The following TRAK1 variants were observed in gnomAD, a reference collection of about 807,000 sequenced individuals.
The protein encoded by TRAK1 is trafficking kinesin-binding protein 1.
TRAK1 carries 33 observed loss-of-function variants against 92.1 expected under a neutral mutation model. The ratio of observed to expected loss-of-function variants is 0.36; its 90% CI spans 0.27 to 0.48. The LOEUF is 0.48. Among genes scored for constraint, TRAK1 ranks in the 20% least tolerant of loss-of-function variants. TRAK1 has a pLI of 0.99. For synonymous variants in TRAK1, 521 were observed against 517.3 expected, an observed-to-expected ratio of 1.01 and a Z score of -0.10; for missense variants, 1,123 against 1,257.9, an observed-to-expected ratio of 0.89 and a Z score of 1.62.
In TRAK1 at chr3:42,202,549, G is replaced by C; in HGVS notation, c.1541G>C (p.Arg514Thr). The C allele has an allele frequency of 6.3e-7, 1 of 1,575,176 alleles. No individual in the cohort carries two copies. Among genetic ancestry groups the C allele is most frequent in the Non-Finnish European group, 8.7e-7 (1 of 1,153,792 alleles). The change falls in exon 13 of 16, where the codon AGG (arginine) becomes ACG (threonine). Residue 514 changes from arginine to threonine, a missense_variant. By Grantham distance (71) the Arg-to-Thr change is moderately conservative. Around this residue, in one of 3 missense-constraint regions of TRAK1, gnomAD observed 686 missense variants for 747.6 expected, o/e 0.92. Transcript: ENST00000327628. The surrounding 1 kb of genome is among the most constrained non-coding windows in gnomAD (Gnocchi z 6.1). The part of the protein sequence containing the change: ...LRRENYLSER[R>T]FFEEEQERKL... ...CGGGAGAACTACCTCTCGGAGAGGAGGTTCTTTGAGGAGGAGCAAGAGAGG... is the reference window on the plus strand; with the variant it reads ...CGGGAGAACTACCTCTCGGAGAGGACGTTCTTTGAGGAGGAGCAAGAGAGG...
At chr3:42,130,731 C>T (rs371054550) in intron 2 of TRAK1, among the ~76,000 whole-genome samples, 9 of 152,222 alleles carry the variant, frequency 5.9e-5, no homozygotes, top group African/African-American at 2.2e-4. Flanking sequence ...GTCTGGGAAC[C>T]TGCATATTAA....
chr3:42,032,596 C>T (rs1434862276), intron 1 of TRAK1, among the ~76,000 whole-genome samples: 2 of 152,096 alleles, frequency 1.3e-5, no homozygotes, highest in Admixed American at 6.5e-5. Context: ...AGATGAATAC[C>T]ATTGGCTGTC....
At chr3:42,128,357 A>G (rs184396363) in intron 2 of TRAK1, among the ~76,000 whole-genome samples, 16 of 152,344 alleles carry the variant, frequency 1.1e-4, no homozygotes, top group Admixed American at 5.2e-4. Flanking sequence ...TTGAGCAGAG[A>G]TTCTGAAAGT....
intron 1 of TRAK1, among the ~76,000 whole-genome samples, chr3:42,071,684 G>A (rs1703938441): frequency 6.7e-6 from 1 of 150,300 alleles, no homozygotes; most frequent in Non-Finnish European, 1.5e-5. Context: ...CTCTAGTCTG[G>A]ATGACAAGCG....
chr3:42,088,375 C>T (rs555535260), upstream of TRAK1, among the ~76,000 whole-genome samples: 2 of 152,220 alleles, frequency 1.3e-5, no homozygotes, highest in South Asian at 4.2e-4. Flanking sequence ...AAGTGGCCCA[C>T]ATGTGTTGTC....
At chr3:42,066,554 A>G (rs746807460) in intron 1 of TRAK1, among the ~76,000 whole-genome samples, 1 of 151,174 alleles carries the variant, frequency 6.6e-6, no homozygotes, top group Admixed American at 6.6e-5. Context: ...TGCTTCTGGA[A>G]GTAGTGCCCA....
chr3:42,202,935 C>G lies in TRAK1; in HGVS notation c.1744+183C>G, dbSNP rs1707847183. On this transcript the variant is annotated intron_variant, in intron 13 of 15. Coordinates refer to ENST00000327628, the MANE Select transcript of TRAK1 (RefSeq NM_001042646.3). This position sits in a 1 kb window ranked among gnomAD's most constrained non-coding sequence, Gnocchi z 6.1. ...CTCAGCCTAGGCCTCCGTCCCTCCC[C>G]TCTGGCTGGCAGGTGTGACAATGCA... The G allele has an allele frequency of 1.4e-6, 2 of 1,404,742 alleles. No individual in the cohort carries two copies. Among genetic ancestry groups the G allele is most frequent in the Non-Finnish European group, 1.9e-6 (2 of 1,078,948 alleles). 87.0% of individuals were successfully genotyped at this position (1,404,742 alleles called of 1,614,324 possible).
At chr3:42,136,891 C>G (rs1227164344) in intron 2 of TRAK1, among the ~76,000 whole-genome samples, 1 of 152,142 alleles carries the variant, frequency 6.6e-6, no homozygotes, top group Non-Finnish European at 1.5e-5. Context: ...CCCTGTTGGC[C>G]AGGCTGGTCT....
At chr3:42,200,716 T>C in intron 11 of TRAK1, 102 bp from the exon 12 acceptor site, 8 of 1,200,322 alleles carry the variant, frequency 6.7e-6, no homozygotes, top group Non-Finnish European at 9.8e-6. Flanking sequence ...GGACTCGTCA[T>C]AGGCCAGGTG....
At chr3:42,201,438 G>A in intron 12 of TRAK1, among the ~76,000 whole-genome samples, 1 of 151,518 alleles carries the variant, frequency 6.6e-6, no homozygotes, top group South Asian at 2.1e-4. Context: ...TCCTGTCTGG[G>A]TGACAGAGTG....
chr3:42,168,585 G>T lies in TRAK1; in HGVS notation c.287-8229G>T, dbSNP rs78217967. Reference sequence around the variant, plus strand: ...TCTGATCCTTGGCAACCACTAATCTGCTTTCTTTTTTTTTGAGACAGAGTC... The same window carrying T: ...TCTGATCCTTGGCAACCACTAATCTTCTTTCTTTTTTTTTGAGACAGAGTC... On this transcript the variant is annotated intron_variant, in intron 2 of 15. Coordinates refer to ENST00000327628, the MANE Select transcript of TRAK1 (RefSeq NM_001042646.3). 3.8e-3 allele frequency among the ~76,000 whole-genome samples: 582 copies of T among 152,156 alleles called. 4 individuals are homozygous for T. The highest frequency in any genetic ancestry group is 8.9e-3 in the South Asian group (43 of 4,830).
At chr3:42,119,701 A>G (rs2149112534) in intron 1 of TRAK1, among the ~76,000 whole-genome samples, 1 of 152,276 alleles carries the variant, frequency 6.6e-6, no homozygotes, top group African/African-American at 2.4e-5. Flanking sequence ...CATGACTTGG[A>G]AGTTCTGTTA....
intron 12 of TRAK1, among the ~76,000 whole-genome samples, chr3:42,201,852 C>G (rs1461048284): frequency 2.4e-5 from 2 of 83,178 alleles, no homozygotes; most frequent in Non-Finnish European, 5.0e-5. Context: ...CCTGCAGAAC[C>G]TGGACGGACG....
chr3:42,040,680 C>CCTTTT (rs1702501559), intron 1 of TRAK1, among the ~76,000 whole-genome samples: 1 of 142,960 alleles, frequency 7.0e-6, no homozygotes, highest in East Asian at 2.0e-4. Flanking sequence ...AGTACTACAC[C>CCTTTT]TTTTTTTTTT....
intron 1 of TRAK1, among the ~76,000 whole-genome samples, chr3:42,016,293 C>T (rs1701524053): frequency 6.6e-6 from 1 of 152,132 alleles, no homozygotes; most frequent in Non-Finnish European, 1.5e-5. Context: ...CGGCCTCCAC[C>T]TCACAGGTTC....
intron 1 of TRAK1, among the ~76,000 whole-genome samples, chr3:42,036,183 T>C (rs1325952401): frequency 6.6e-6 from 1 of 152,176 alleles, no homozygotes; most frequent in Admixed American, 6.5e-5. Context: ...AAAGGGCAGT[T>C]CTTGTCTGTG....
intron 10 of TRAK1, 152 bp from the exon 11 acceptor site, chr3:42,199,025 C>T (rs1231229145): frequency 2.7e-6 from 2 of 734,290 alleles, no homozygotes; most frequent in African/African-American, 3.5e-5. Flanking sequence ...TCTCTGACAA[C>T]AGAGAGTGCT....
Position 42,133,256 on chromosome 3 carries a change from C to G in TRAK1, c.286+7642C>G, listed in dbSNP as rs913616451. 7.2e-5 allele frequency among the ~76,000 whole-genome samples: 11 copies of G among 152,288 alleles called. 1 individual carries two copies. Among genetic ancestry groups the G allele is most frequent in the Middle Eastern group, 3.4e-3 (1 of 294 alleles). ...TTGGCTCTATCCAGCCAGCCTCGTT[C>G]CACCCTCTCCTTACCCTATAGCAGC... On this transcript the variant is annotated intron_variant, in intron 2 of 15. Coordinates refer to ENST00000327628, the MANE Select transcript of TRAK1 (RefSeq NM_001042646.3).
intron 1 of TRAK1, among the ~76,000 whole-genome samples, chr3:42,106,202 C>T (rs1707544062): frequency 1.3e-5 from 2 of 152,206 alleles, no homozygotes; most frequent in South Asian, 2.1e-4. Flanking sequence ...CCTAAATGCC[C>T]CAATTAAAAG....
Sources: allele counts gnomAD v4.1 joint callset (sites outside exome capture counted in the v4.1 genomes callset), GRCh38; gene constraint gnomAD v4.1.1; regional missense constraint gnomAD v4.1.1; non-coding constraint Gnocchi (gnomAD v3.1); transcripts MANE v1.5; gene names NCBI Gene and HGNC (gene_info 2026-07-23, HGNC 2026-07-21).